PDE1C: variants seen among roughly 807,000 people sequenced by gnomAD.
PDE1C encodes phosphodiesterase 1C.
In PDE1C, 62 loss-of-function variants were observed where a neutral mutation model predicts 93.1. That is an observed-to-expected ratio of 0.67 (90% CI 0.54 to 0.82). The LOEUF is 0.82. Ranked by LOEUF, PDE1C falls within the 40% of genes least tolerant of loss-of-function variation. The probability of loss-of-function intolerance (pLI) is 0.00; values close to 1 mark genes in which losing one functional copy is unlikely to be tolerated. For synonymous variants in PDE1C, 325 were observed against 310.1 expected (o/e 1.05, Z -0.50); for missense variants, 742 against 884.6 (o/e 0.84, Z 2.04).
At chr7:32,221,693 T>C (rs1806879372) in intron 1 of PDE1C, among the ~76,000 whole-genome samples, 1 of 152,188 alleles carries the variant, frequency 6.6e-6, no homozygotes, top group African/African-American at 2.4e-5. Flanking sequence ...TGAAAATGCA[T>C]GCTATGGAAT....
In PDE1C at chr7:32,237,729, C is replaced by G. The variant is rs549941511; in HGVS notation, c.86-28190G>C. On this transcript the variant is annotated intron_variant, in intron 1 of 18. Coordinates refer to the PDE1C transcript ENST00000396193. Reference sequence around the variant, plus strand: ...ATGAAATAAGGATAGCCACTATCCGCACTTGGCTCTGTGTATATATATATA... The same window carrying G: ...ATGAAATAAGGATAGCCACTATCCGGACTTGGCTCTGTGTATATATATATA... 6.2e-3 allele frequency among the ~76,000 whole-genome samples: 805 copies of G among 129,212 alleles called. 3 individuals carry two copies. Among genetic ancestry groups the G allele is most frequent in the Non-Finnish European group, 9.9e-3 (612 of 62,046 alleles). 84.8% of individuals were successfully genotyped at this position (129,212 alleles called of 152,430 possible). A position where few individuals can be genotyped will look rare whatever the true frequency, so the allele number is the denominator to read the frequency against.
At chr7:31,744,240 TAAG>T in the PDE1C span, among the ~76,000 whole-genome samples, 1 of 152,058 alleles carries the variant, frequency 6.6e-6, no homozygotes. Flanking sequence ...CTTCACAGAT[TAAG>T]GTTTCTTTAT....
At chr7:32,261,326 C>G (rs1457820926) in intron 1 of PDE1C, among the ~76,000 whole-genome samples, 1 of 152,062 alleles carries the variant, frequency 6.6e-6, no homozygotes, top group African/African-American at 2.4e-5. Context: ...CCTACAGGAA[C>G]AGAAAACAGC....
intron 3 of PDE1C, among the ~76,000 whole-genome samples, chr7:32,121,475 A>G (rs957177110): frequency 9.8e-5 from 15 of 152,322 alleles, no homozygotes; most frequent in Admixed American, 5.2e-4. Context: ...AAGGGCAGCC[A>G]GAGAGAAAGG....
At chr7:31,969,597 A>T (rs1810593770) in intron 2 of PDE1C, among the ~76,000 whole-genome samples, 1 of 152,222 alleles carries the variant, frequency 6.6e-6, no homozygotes, top group South Asian at 2.1e-4. Flanking sequence ...TTCCTCAGGG[A>T]TCTGGAACTA....
At chr7:31,629,478 TA>T in the PDE1C span, among the ~76,000 whole-genome samples, 1 of 152,224 alleles carries the variant, frequency 6.6e-6, no homozygotes, top group Admixed American at 6.5e-5. Flanking sequence ...TAGAAACAGT[TA>T]TCATTAGGTT....
At chr7:32,039,163 C>G (rs370134146) in intron 2 of PDE1C, among the ~76,000 whole-genome samples, 11 of 152,066 alleles carry the variant, frequency 7.2e-5, no homozygotes, top group East Asian at 5.8e-4. Context: ...AGCAAACAGG[C>G]ACTGTTTGCA....
At chr7:32,195,589 T>C (rs1305227765) in intron 2 of PDE1C, among the ~76,000 whole-genome samples, 1 of 152,182 alleles carries the variant, frequency 6.6e-6, no homozygotes, top group Non-Finnish European at 1.5e-5. Context: ...CAGTGGCTTA[T>C]GCCTGTAATC....
At chr7:32,105,603 T>G (rs1798259071) in intron 3 of PDE1C, among the ~76,000 whole-genome samples, 1 of 152,058 alleles carries the variant, frequency 6.6e-6, no homozygotes, top group African/African-American at 2.4e-5. Flanking sequence ...CAGATAAGCG[T>G]CCAGCTTCCA....
In PDE1C at chr7:31,824,864, G is replaced by T; in HGVS notation, c.1406+3C>A. The stretch of plus-strand genomic sequence containing the variant: ...CCCTCAGCCCTCAAGCTTCCCCACT[G>T]ACCTCGAACGCCTCTGTCCTGTCCC... On this transcript the variant is annotated splice_donor_region_variant and intron_variant, in intron 13 of 17. Coordinates refer to ENST00000396191, the MANE Select transcript of PDE1C (RefSeq NM_001191057.4). The T allele has an allele frequency of 6.2e-7, 1 of 1,612,484 alleles. No homozygotes were observed. The highest frequency in any genetic ancestry group is 8.5e-7 in the Non-Finnish European group (1 of 1,178,942).
the PDE1C span, among the ~76,000 whole-genome samples, chr7:31,682,868 T>C: frequency 6.6e-6 from 1 of 152,266 alleles, no homozygotes; most frequent in Admixed American, 6.5e-5. Context: ...GAAAAAACAA[T>C]AACAATGGTT....
At chr7:31,654,692 C>T in the PDE1C span, among the ~76,000 whole-genome samples, 1 of 152,044 alleles carries the variant, frequency 6.6e-6, no homozygotes, top group Non-Finnish European at 1.5e-5. Context: ...GGCACTGGGT[C>T]TCTAAGGAAT....
chr7:31,841,597 G>A (rs1362092384), intron 9 of PDE1C, among the ~76,000 whole-genome samples: 1 of 152,052 alleles, frequency 6.6e-6, no homozygotes, highest in East Asian at 1.9e-4. Flanking sequence ...TTTGTCAAAT[G>A]CTTGTTATAT....
At chr7:31,734,658 GA>G in the PDE1C span, among the ~76,000 whole-genome samples, 1 of 151,860 alleles carries the variant, frequency 6.6e-6, no homozygotes, top group African/African-American at 2.4e-5. Flanking sequence ...AGCAATTATC[GA>G]AAAAAATCAA....
intron 2 of PDE1C, among the ~76,000 whole-genome samples, chr7:32,174,674 C>G (rs960006445): frequency 6.6e-6 from 1 of 151,972 alleles, no homozygotes; most frequent in African/African-American, 2.4e-5. Flanking sequence ...TAAAATGCTA[C>G]TCATTTAAGA....
At chr7:31,686,120 G>A in the PDE1C span, among the ~76,000 whole-genome samples, 7 of 152,218 alleles carry the variant, frequency 4.6e-5, no homozygotes, top group African/African-American at 1.7e-4. Context: ...ATATGGATGT[G>A]TGGATGGTGC....
At chr7:32,178,106 G>A (rs1018979018) in intron 2 of PDE1C, among the ~76,000 whole-genome samples, 5 of 152,190 alleles carry the variant, frequency 3.3e-5, no homozygotes, top group Admixed American at 6.5e-5. Flanking sequence ...AAATTAAGCC[G>A]GAGCTTAAAA....
At chr7:31,643,072 T>C in the PDE1C span, 4 of 1,613,680 alleles carry the variant, frequency 2.5e-6, no homozygotes, top group African/African-American at 4.0e-5. Context: ...TCCTCTGGGG[T>C]TTATGGTAAC....
At chr7:32,291,699 T>A (rs1166069876) in intron 1 of PDE1C, among the ~76,000 whole-genome samples, 1 of 152,224 alleles carries the variant, frequency 6.6e-6, no homozygotes, top group Non-Finnish European at 1.5e-5. Context: ...TGCCTCCTCT[T>A]TGGTCTGAAC....
Sources: gnomAD v4.1 joint callset for allele counts (sites outside exome capture counted in the v4.1 genomes callset) on GRCh38, gnomAD v4.1.1 for gene constraint, MANE v1.5 for transcripts, NCBI Gene and HGNC (gene_info 2026-07-23, HGNC 2026-07-21) for gene names.